AJAP1: variants seen among roughly 807,000 people sequenced by gnomAD.
AJAP1 encodes the protein adherens junction-associated protein 1.
AJAP1 carries 5 observed loss-of-function variants against 35.0 expected under a neutral mutation model. The ratio of observed to expected loss-of-function variants is 0.14; its 90% CI spans 0.07 to 0.30. AJAP1 has a LOEUF of 0.30. Ranked by LOEUF, AJAP1 falls within the 10% of genes least tolerant of loss-of-function variation. AJAP1 has a pLI of 1.00. For synonymous variants in AJAP1, 284 were observed against 249.3 expected (o/e 1.14, Z -1.31); for missense variants, 586 against 571.0 (o/e 1.03, Z -0.27).
rs138451344 is a variant in AJAP1 at position 4,754,132 on chromosome 1, G to A, written c.830-15721G>A. Among the ~76,000 whole-genome samples the A allele has an allele frequency of 4.2e-3, 641 of 152,238 alleles. 5 individuals carry two copies. Among genetic ancestry groups the A allele is most frequent in the African/African-American group, 0.013 (554 of 41,532 alleles). ...TCCTGCGTTTGTACATCCTGGGAAC[G>A]AAGAATGGTTTTGTCATGTTTAGAA... On this transcript the variant is annotated intron_variant, in intron 2 of 5. Coordinates refer to ENST00000378191, the MANE Select transcript of AJAP1 (RefSeq NM_018836.4).
chr1:4,731,082 GTGTTT>G (rs1349972132), intron 2 of AJAP1, among the ~76,000 whole-genome samples: 3 of 152,024 alleles, frequency 2.0e-5, no homozygotes, highest in Admixed American at 6.5e-5. Flanking sequence ...TTTGTTTGTT[GTGTTT>G]TGTTCTGTTT....
intron 2 of AJAP1, among the ~76,000 whole-genome samples, chr1:4,741,585 C>T (rs758422191): frequency 4.6e-5 from 7 of 152,224 alleles, no homozygotes; most frequent in East Asian, 1.9e-4. Flanking sequence ...CTTGGGGACA[C>T]GTTTTTCATT....
At chr1:4,761,522 C>T (rs1641565290) in intron 2 of AJAP1, among the ~76,000 whole-genome samples, 1 of 152,222 alleles carries the variant, frequency 6.6e-6, no homozygotes, top group South Asian at 2.1e-4. Flanking sequence ...GATGCCATGG[C>T]CATTGGCCAT....
chr1:4,699,235 T>C (rs1639932884), intron 1 of AJAP1, among the ~76,000 whole-genome samples: 1 of 152,254 alleles, frequency 6.6e-6, no homozygotes, highest in South Asian at 2.1e-4. Flanking sequence ...CTTGCTCTCC[T>C]GGCCCCACGC....
At chr1:4,688,639 G>T (rs1455581977) in intron 1 of AJAP1, among the ~76,000 whole-genome samples, 1 of 151,944 alleles carries the variant, frequency 6.6e-6, no homozygotes, top group African/African-American at 2.4e-5. Flanking sequence ...GAGCGTGGTG[G>T]CGTGCACCTG....
At chr1:4,687,152 T>C (rs1039285979) in intron 1 of AJAP1, among the ~76,000 whole-genome samples, 1 of 152,204 alleles carries the variant, frequency 6.6e-6, no homozygotes, top group Non-Finnish European at 1.5e-5. Context: ...ATCCATTCCA[T>C]AGACATGGAC....
rs953724243 is a variant in AJAP1 at position 4,655,661 on chromosome 1, G to A, written c.29+207G>A. Among the ~76,000 whole-genome samples, 4 of 151,146 alleles carry A rather than the reference G, an allele frequency of 2.6e-5. No homozygotes were observed. The South Asian group carries it at 6.2e-4, about 24-fold the overall frequency. Reference sequence around the variant, plus strand: ...TGGCGGGGAGCGGCCGGGTCTCCAGGGTTCCGCGCGTCCGGGGTCGGGGCA... The same window carrying A: ...TGGCGGGGAGCGGCCGGGTCTCCAGAGTTCCGCGCGTCCGGGGTCGGGGCA... On this transcript the variant is annotated intron_variant, in intron 1 of 5. Transcript: ENST00000378191. This position sits in a 1 kb window ranked among gnomAD's most constrained non-coding sequence, Gnocchi z 6.9.
intron 1 of AJAP1, among the ~76,000 whole-genome samples, chr1:4,676,789 A>G (rs192654890): frequency 6.2e-4 from 94 of 152,338 alleles, no homozygotes; most frequent in Admixed American, 1.4e-3. Flanking sequence ...AGATGCCAAA[A>G]GGGGTATTGC....
chr1:4,712,511 C>G lies in AJAP1; in HGVS notation c.641C>G (p.Thr214Arg), dbSNP rs763776312. 3 of 1,612,670 alleles carry G rather than the reference C, an allele frequency of 1.9e-6. No homozygotes were observed. The highest frequency in any genetic ancestry group is 2.7e-5 in the African/African-American group (2 of 74,910). ...TTVSILQTRK[T>R]TVAATTTTTT... ...GTCTCCATCCTACAAACACGGAAGA[C>G]AACTGTGGCCGCCACCACCACCACC... Residue 214 changes from threonine to arginine, a missense_variant, in exon 2 of 6, where the codon ACA becomes AGA. Thr to Arg is a moderately conservative substitution (Grantham distance 71). Transcript: ENST00000378191.
chr1:4,728,818 T>TG (rs1006631389), intron 2 of AJAP1, among the ~76,000 whole-genome samples: 44 of 152,318 alleles, frequency 2.9e-4, no homozygotes, highest in African/African-American at 8.4e-4. Context: ...ACCCTGGGCC[T>TG]GGGGCTCACT....
At position 4,734,469 on chromosome 1, in the gene AJAP1, AT is replaced by A. The variant is rs948943369; in HGVS notation, c.829+21772del. 1.2e-4 allele frequency among the ~76,000 whole-genome samples: 18 copies of A among 152,248 alleles called. No homozygotes were observed. Among genetic ancestry groups the A allele is most frequent in the African/African-American group, 4.3e-4 (18 of 41,546 alleles). On this transcript the variant is annotated intron_variant, in intron 2 of 5. Coordinates refer to ENST00000378191, the MANE Select transcript of AJAP1 (RefSeq NM_018836.4). The surrounding 1 kb of genome is among the most constrained non-coding windows in gnomAD (Gnocchi z 4.3). The stretch of plus-strand genomic sequence containing the variant: ...ACAGCCTGAAGGGGGTGGAGTCAGG[AT>A]TCAAACCTAGGTTCCAGGGATGGTG...
At chr1:4,699,032 G>A (rs916849454) in intron 1 of AJAP1, among the ~76,000 whole-genome samples, 9 of 152,172 alleles carry the variant, frequency 5.9e-5, no homozygotes, top group Admixed American at 5.9e-4. Context: ...GCTGCCCTGG[G>A]GGCGTGGCCT....
At chr1:4,708,380 G>A (rs1444917588) in intron 1 of AJAP1, among the ~76,000 whole-genome samples, 1 of 152,152 alleles carries the variant, frequency 6.6e-6, no homozygotes, top group Non-Finnish European at 1.5e-5. Flanking sequence ...CGGCAGCCAT[G>A]CCACAGGGCC....
chr1:4,663,173 C>T (rs1171941338), intron 1 of AJAP1, among the ~76,000 whole-genome samples: 1 of 152,116 alleles, frequency 6.6e-6, no homozygotes, highest in Non-Finnish European at 1.5e-5. Flanking sequence ...TAGATTAGGT[C>T]TTGCTGTGTT....
intron 2 of AJAP1, among the ~76,000 whole-genome samples, chr1:4,738,952 T>G (rs1640994640): frequency 6.7e-6 from 1 of 148,246 alleles, no homozygotes; most frequent in African/African-American, 2.5e-5. Flanking sequence ...GAGAAGGAGG[T>G]GGGAAGGGCG....
chr1:4,782,876 C>T lies in AJAP1; in HGVS notation c.*391C>T. On this transcript the variant is annotated 3_prime_UTR_variant, in exon 6 of 6. Transcript: ENST00000378191. The surrounding 1 kb of genome is among the most constrained non-coding windows in gnomAD (Gnocchi z 5.3). ...TCGTCCTACGATTCTGAACCTGTGCCAATAATACCATTATGTGCCATGTAC... is the reference window on the plus strand; with the variant it reads ...TCGTCCTACGATTCTGAACCTGTGCTAATAATACCATTATGTGCCATGTAC... 2 of 398,552 alleles carry T rather than the reference C, an allele frequency of 5.0e-6. No homozygotes were observed. The highest frequency in any genetic ancestry group is 8.8e-6 in the Non-Finnish European group (2 of 226,060). 24.7% of individuals were successfully genotyped at this position (398,552 alleles called of 1,614,324 possible).
chr1:4,775,383 G>T (rs1641921747), intron 5 of AJAP1, among the ~76,000 whole-genome samples: 1 of 152,158 alleles, frequency 6.6e-6, no homozygotes, highest in African/African-American at 2.4e-5. Flanking sequence ...TCCTCATCTT[G>T]CTTCCTTCCA....
chr1:4,702,007 C>A (rs921839107), intron 1 of AJAP1, among the ~76,000 whole-genome samples: 8 of 152,226 alleles, frequency 5.3e-5, no homozygotes, highest in Admixed American at 4.6e-4. Context: ...ACAGGAGTTA[C>A]TGATTTTGCC....
rs1470189877 is a variant in AJAP1 at position 4,788,387 on chromosome 1, A to G, written c.*5902A>G. 6.6e-6 allele frequency: 1 copy of G among 152,316 alleles called. No individual in the cohort carries two copies. The allele number at this position is 152,316 out of a possible 1,614,324, so 9.4% of individuals were successfully genotyped here. A position where few individuals can be genotyped will look rare whatever the true frequency, so the allele number is the denominator to read the frequency against. On this transcript the variant is annotated 3_prime_UTR_variant, in exon 6 of 6. Coordinates refer to ENST00000378191, the MANE Select transcript of AJAP1 (RefSeq NM_018836.4). Reference sequence around the variant, plus strand: ...AAACCACCCCAGCCCTCAGTCGAACAGAAAGAATGAGCGTCTTCTGATGTC... The same window carrying G: ...AAACCACCCCAGCCCTCAGTCGAACGGAAAGAATGAGCGTCTTCTGATGTC...
Sources: gnomAD v4.1 joint callset for allele counts (sites outside exome capture counted in the v4.1 genomes callset) on GRCh38, gnomAD v4.1.1 for gene constraint, Gnocchi (gnomAD v3.1) non-coding constraint, MANE v1.5 for transcripts, NCBI Gene and HGNC (gene_info 2026-07-23, HGNC 2026-07-21) for gene names.